Variants in CNTN4 observed in about 807,000 individuals in gnomAD.
CNTN4 encodes contactin 4, also known as contactin-4.
A neutral mutation model predicts 122.5 loss-of-function variants in CNTN4; 77 were observed. The observed-to-expected ratio is 0.63, with a 90% CI of 0.52 to 0.76. The LOEUF is 0.76. CNTN4 is among the 30% of genes least tolerant of loss of function. CNTN4 has a pLI of 0.00. For missense variants in CNTN4, 1,256 were observed against 1,259.1 expected (o/e 1.00, Z 0.04); for synonymous variants, 512 against 447.0 (o/e 1.15, Z -1.83).
At chr3:2,678,269 G>C (rs2084978474) in intron 4 of CNTN4, among the ~76,000 whole-genome samples, 1 of 151,998 alleles carries the variant, frequency 6.6e-6, no homozygotes, top group Admixed American at 6.6e-5. Flanking sequence ...TAGAATTCCA[G>C]GATTCTGTGA....
chr3:2,343,403 C>T (rs1030026164), intron 3 of CNTN4, among the ~76,000 whole-genome samples: 3 of 152,138 alleles, frequency 2.0e-5, no homozygotes, highest in African/African-American at 7.2e-5. Context: ...TTTGCCCCCT[C>T]CTGCAACCAA....
At chr3:2,209,414 A>G (rs2038506737) in intron 2 of CNTN4, among the ~76,000 whole-genome samples, 1 of 152,178 alleles carries the variant, frequency 6.6e-6, no homozygotes, top group African/African-American at 2.4e-5. Flanking sequence ...TCCCATAGGT[A>G]GTGTTATACC....
chr3:2,665,605 T>G (rs1193965956), intron 4 of CNTN4, among the ~76,000 whole-genome samples: 1 of 152,076 alleles, frequency 6.6e-6, no homozygotes, highest in Non-Finnish European at 1.5e-5. Context: ...GTGAAAAAAT[T>G]GGACATCTGT....
intron 4 of CNTN4, among the ~76,000 whole-genome samples, chr3:2,605,591 T>A (rs2149782471): frequency 6.6e-6 from 1 of 152,230 alleles, no homozygotes; most frequent in Non-Finnish European, 1.5e-5. Flanking sequence ...GCAATCGATG[T>A]AAGATAAGGA....
chr3:2,611,166 G>A (rs1375675366), intron 4 of CNTN4, among the ~76,000 whole-genome samples: 1 of 151,542 alleles, frequency 6.6e-6, no homozygotes, highest in African/African-American at 2.4e-5. Flanking sequence ...TCAAAGTGAT[G>A]GACTTCAAAC....
chr3:2,287,594 C>T (rs562782875), intron 2 of CNTN4, among the ~76,000 whole-genome samples: 23 of 140,714 alleles, frequency 1.6e-4, no homozygotes, highest in African/African-American at 6.2e-4. Context: ...CAGAGTGAGA[C>T]CCTGTCTAAA....
chr3:2,544,244 G>A lies in CNTN4; in HGVS notation c.-88-27172G>A, dbSNP rs1335566359. Among the ~76,000 whole-genome samples, 4 of 152,152 alleles carry A rather than the reference G, an allele frequency of 2.6e-5. No individual in the cohort carries two copies. In the South Asian group the frequency reaches 6.2e-4, roughly 24 times the overall value. On this transcript the variant is annotated intron_variant, in intron 3 of 24. Transcript: ENST00000418658. ...TCACGCATCAAGCTTAAGTATTTTG[G>A]TAAATGATGGAGACACGCTCCTCAG... is the stretch of plus-strand genomic sequence containing the variant.
At chr3:2,704,378 G>A (rs2086533846) in intron 4 of CNTN4, among the ~76,000 whole-genome samples, 1 of 147,244 alleles carries the variant, frequency 6.8e-6, no homozygotes, top group African/African-American at 2.5e-5. Context: ...CCCCTTTAAA[G>A]TAAATAACAA....
intron 8 of CNTN4, chr3:2,882,702 A>G (rs9834820): frequency 0.024 from 4,002 of 168,984 alleles, 180 homozygotes; most frequent in African/African-American, 0.09. Context: ...CCACAGAATG[A>G]TTACTCAGAA....
At chr3:2,569,715 C>T (rs1021282559) in intron 3 of CNTN4, among the ~76,000 whole-genome samples, 2 of 151,894 alleles carry the variant, frequency 1.3e-5, no homozygotes, top group Non-Finnish European at 1.5e-5. Flanking sequence ...TAACAAGTTC[C>T]TGCCAGAGTT....
intron 3 of CNTN4, among the ~76,000 whole-genome samples, chr3:2,378,510 G>T (rs1298252562): frequency 6.6e-6 from 1 of 152,154 alleles, no homozygotes; most frequent in South Asian, 2.1e-4. Context: ...TAATGGACAG[G>T]TAGCAATCTC....
At chr3:2,220,614 G>A (rs113393120) in intron 2 of CNTN4, among the ~76,000 whole-genome samples, 11 of 152,070 alleles carry the variant, frequency 7.2e-5, no homozygotes, top group African/African-American at 1.7e-4. Context: ...TTAGCCTTGC[G>A]TTATCAAATC....
Position 2,416,844 on chromosome 3 carries a change from CG to C in CNTN4, c.-89+77615del, listed in dbSNP as rs1286060182. Among the ~76,000 whole-genome samples, 4 of 151,960 alleles carry C rather than the reference CG, an allele frequency of 2.6e-5. No individual in the cohort carries two copies. In the East Asian group the frequency reaches 7.7e-4, roughly 29 times the overall value. On this transcript the variant is annotated intron_variant, in intron 3 of 24. Transcript: ENST00000418658. ...AATTTTTTTGTATTTTTAGTAGAGA[CG>C]GGGTTTCACCATGTTAGCCAGGATG...
intron 7 of CNTN4, among the ~76,000 whole-genome samples, chr3:2,840,512 A>T (rs535908108): frequency 1.1e-4 from 13 of 123,100 alleles, no homozygotes; most frequent in African/African-American, 3.6e-4. Flanking sequence ...CATCCTGGCT[A>T]ACACGGTGAA....
At chr3:2,527,409 ATGC>A (rs34099392) in intron 3 of CNTN4, among the ~76,000 whole-genome samples, 215 of 149,600 alleles carry the variant, frequency 1.4e-3, no homozygotes, top group African/African-American at 4.8e-3. Flanking sequence ...GGAACAATGT[ATGC>A]TGCTGCTGCT....
At chr3:2,766,096 C>T (rs891573366) in intron 6 of CNTN4, among the ~76,000 whole-genome samples, 1 of 152,180 alleles carries the variant, frequency 6.6e-6, no homozygotes, top group African/African-American at 2.4e-5. Flanking sequence ...AGCCCAGAGT[C>T]ACAATAGGGC....
chr3:2,418,413 G>T (rs2047496196), intron 3 of CNTN4, among the ~76,000 whole-genome samples: 1 of 152,096 alleles, frequency 6.6e-6, no homozygotes. Flanking sequence ...AAGACATAGG[G>T]TTCAAAACGT....
intron 12 of CNTN4, among the ~76,000 whole-genome samples, chr3:2,916,470 T>G (rs533810087): frequency 4.0e-5 from 6 of 149,596 alleles, no homozygotes; most frequent in African/African-American, 1.5e-4. Flanking sequence ...CTTAATCCAT[T>G]TAACCCTGAG....
In CNTN4 at chr3:2,576,594, C is replaced by A. The variant is rs1213765959; in HGVS notation, c.55+5036C>A. On this transcript the variant is annotated intron_variant, in intron 4 of 24. Transcript: ENST00000418658. Reference sequence around the variant, plus strand: ...ATGGAGTCTTGCTCTGTCTTCCAGGCTGAAGTGCAGTGGCACGATCTTGGC... The same window carrying A: ...ATGGAGTCTTGCTCTGTCTTCCAGGATGAAGTGCAGTGGCACGATCTTGGC... 3.4e-5 allele frequency among the ~76,000 whole-genome samples: 5 copies of A among 145,944 alleles called. No homozygotes were observed. In the East Asian group the frequency reaches 8.1e-4, roughly 24 times the overall value.
Sources: allele counts gnomAD v4.1 joint callset (sites outside exome capture counted in the v4.1 genomes callset), GRCh38; gene constraint gnomAD v4.1.1; transcripts MANE v1.5; gene names NCBI Gene and HGNC (gene_info 2026-07-23, HGNC 2026-07-21).